SLC29A1: variants seen among roughly 807,000 people sequenced by gnomAD.
SLC29A1 encodes equilibrative nucleoside transporter 1.
A neutral mutation model predicts 48.3 loss-of-function variants in SLC29A1; 22 were observed. That is an observed-to-expected ratio of 0.46 (90% CI 0.33 to 0.65). SLC29A1 has a LOEUF of 0.65. Among genes scored for constraint, SLC29A1 ranks in the 30% least tolerant of loss-of-function variants. The pLI is 0.03. For missense variants in SLC29A1, 491 were observed against 575.3 expected (o/e 0.85, Z 1.50); for synonymous variants, 228 against 231.0 (o/e 0.99, Z 0.12).
intron 12 of SLC29A1, 64 bp downstream of exon 12, chr6:44,233,070 C>A (rs1779255675): frequency 6.6e-7 from 1 of 1,522,744 alleles, no homozygotes; most frequent in Non-Finnish European, 9.0e-7. Flanking sequence ...GTGGGGGACA[C>A]TCAGTAGAGG....
At position 44,229,400 on chromosome 6, in the gene SLC29A1, G is replaced by C; in HGVS notation, c.40G>C (p.Val14Leu). 6.2e-7 allele frequency: 1 copy of C among 1,613,954 alleles called. No individual in the cohort carries two copies. Among genetic ancestry groups the C allele is most frequent in the Non-Finnish European group, 8.5e-7 (1 of 1,179,850 alleles). ...SHQPQDRYKA[V>L]WLIFFMLGLG... ...CCTCCTCCATTGCAGATACAAAGCT[G>C]TCTGGCTTATCTTCTTCATGCTGGG... Residue 14 changes from valine (V) to leucine (L), a missense_variant, in exon 3 of 13, where the codon GTC becomes CTC. Val to Leu is a conservative substitution (Grantham distance 32, BLOSUM62 1). Transcript: ENST00000371755. The surrounding 1 kb of genome is among the most constrained non-coding windows in gnomAD (Gnocchi z 5.1).
chr6:44,229,859 C>A lies in SLC29A1; in HGVS notation c.315-48C>A, dbSNP rs747634224. 7 of 1,611,210 alleles carry A rather than the reference C, an allele frequency of 4.3e-6. No homozygotes were observed. In the East Asian group the frequency reaches 1.3e-4, roughly 31 times the overall value. On this transcript the variant is annotated intron_variant, in intron 4 of 12. Transcript: ENST00000371755. This position sits in a 1 kb window ranked among gnomAD's most constrained non-coding sequence, Gnocchi z 5.1. Reference sequence around the variant, plus strand: ...TGTGTCCTGCACCCCCTTGGCTGAGCCCCAGCTTTGCCCACTTGTCTCTGC... The same window carrying A: ...TGTGTCCTGCACCCCCTTGGCTGAGACCCAGCTTTGCCCACTTGTCTCTGC...
In SLC29A1 at chr6:44,229,558, AT is replaced by A; in HGVS notation, c.112-28del. On this transcript the variant is annotated intron_variant, in intron 3 of 12. Coordinates refer to ENST00000371755, the MANE Select transcript of SLC29A1 (RefSeq NM_001372327.1). The surrounding 1 kb of genome is among the most constrained non-coding windows in gnomAD (Gnocchi z 5.1). ...TGTGCTGGTAGGCACAGGGAAAGAGATTTCAACACTCCTCTCTGCAACCCCT... is the reference window on the plus strand; with the variant it reads ...TGTGCTGGTAGGCACAGGGAAAGAGATTCAACACTCCTCTCTGCAACCCCT... The A allele has an allele frequency of 1.2e-6, 2 of 1,612,988 alleles. No individual in the cohort carries two copies. Among genetic ancestry groups the A allele is most frequent in the African/African-American group, 2.7e-5 (2 of 74,972 alleles).
chr6:44,230,778 A>G (rs1003990726), intron 7 of SLC29A1, 33 bp from the exon 8 acceptor site: 1 of 1,597,642 alleles, frequency 6.3e-7, no homozygotes, highest in Non-Finnish European at 8.6e-7. Flanking sequence ...TTCTGCCTCT[A>G]AATCCACCTC....
intron 1 of SLC29A1, chr6:44,224,003 TATGGGGATGGGG>T (rs1344950211): frequency 2.1e-6 from 2 of 950,700 alleles, no homozygotes; most frequent in Non-Finnish European, 2.5e-6. Flanking sequence ...GGCGGAGGGG[TATGGGGATGGGG>T]ATGGGGATGG....
chr6:44,220,348 T>C (rs1236431197), upstream of SLC29A1, among the ~76,000 whole-genome samples: 2 of 149,142 alleles, frequency 1.3e-5, no homozygotes, highest in African/African-American at 2.5e-5. Context: ...CAGCTAATTT[T>C]TTTTTTTTTT....
upstream of SLC29A1, among the ~76,000 whole-genome samples, chr6:44,220,650 T>TAAAA (rs564819806): frequency 8.6e-6 from 1 of 116,288 alleles, no homozygotes; most frequent in African/African-American, 3.2e-5. Context: ...CCGTCTCTAC[T>TAAAA]AAAAAAAAAA....
chr6:44,227,294 A>AAACCG lies in SLC29A1; in HGVS notation c.-18_-14dup. 1 of 1,614,100 alleles carries AAACCG rather than the reference A, an allele frequency of 6.2e-7. No individual in the cohort carries two copies. The highest frequency in any genetic ancestry group is 8.5e-7 in the Non-Finnish European group (1 of 1,179,984). ...GAGGGAGGGAGCTGTCAGCCAGGGA[A>AAACCG]AACCGAGAACACCATCACCATGACA... On this transcript the variant is annotated 5_prime_UTR_variant, in exon 2 of 13. Transcript: ENST00000371755.
upstream of SLC29A1, chr6:44,221,534 G>A: frequency 3.1e-6 from 3 of 974,568 alleles, no homozygotes; most frequent in Non-Finnish European, 4.3e-6. This position sits in a 1 kb window ranked among gnomAD's most constrained non-coding sequence, Gnocchi z 4.2. Context: ...TGAATAAGGT[G>A]TAGAGTAGAG....
At chr6:44,228,721 G>A (rs905822625) in intron 2 of SLC29A1, among the ~76,000 whole-genome samples, 3 of 152,246 alleles carry the variant, frequency 2.0e-5, no homozygotes, top group Non-Finnish European at 4.4e-5. Flanking sequence ...GCATTGCCCT[G>A]GCCAAAGGTG....
At position 44,229,952 on chromosome 6, in the gene SLC29A1, G is replaced by A; in HGVS notation, c.360G>A (p.Leu120=). The A allele has an allele frequency of 6.2e-7, 1 of 1,613,424 alleles. No individual in the cohort carries two copies. The highest frequency in any genetic ancestry group is 8.5e-7 in the Non-Finnish European group (1 of 1,180,028). The part of the protein sequence containing the change: ...VRILGSLVAI[L]LVFLITAILV... ...TCCTGGGCAGCCTGGTGGCCATCCT[G>A]CTGGTGTTTCTGATCACTGCCATCC... The change falls in exon 5 of 13, where the codon CTG becomes CTA. Residue 120 remains leucine, a synonymous_variant. Transcript: ENST00000371755. The surrounding 1 kb of genome is among the most constrained non-coding windows in gnomAD (Gnocchi z 5.1).
upstream of SLC29A1, chr6:44,219,756 C>T (rs1289317816): frequency 2.3e-6 from 3 of 1,288,022 alleles, no homozygotes; most frequent in Non-Finnish European, 3.0e-6. Flanking sequence ...CCACCAAGTC[C>T]GGATGCTCAC....
At chr6:44,227,078 C>G in intron 1 of SLC29A1, 185 bp from the exon 2 acceptor site, 1 of 1,408,434 alleles carries the variant, frequency 7.1e-7, no homozygotes, top group Non-Finnish European at 9.2e-7. Context: ...GCAGGACTGG[C>G]CTGCTGGGCC....
chr6:44,232,666 C>G lies in SLC29A1; in HGVS notation c.1060-141C>G. The G allele has an allele frequency of 1.3e-6, 1 of 766,106 alleles. No individual in the cohort carries two copies. Among genetic ancestry groups the G allele is most frequent in the Non-Finnish European group, 2.2e-6 (1 of 464,712 alleles). 47.5% of individuals were successfully genotyped at this position (766,106 alleles called of 1,614,324 possible). On this transcript the variant is annotated intron_variant, in intron 11 of 12. Transcript: ENST00000371755. The surrounding 1 kb of genome is among the most constrained non-coding windows in gnomAD (Gnocchi z 4.7). ...CAGCACTCCAGAAGGCTCCACCATG[C>G]CCCTTTCAAGAGTAACCCCCTAAGG...
intron 1 of SLC29A1, among the ~76,000 whole-genome samples, chr6:44,224,917 A>G (rs529331342): frequency 9.2e-5 from 14 of 152,306 alleles, no homozygotes; most frequent in African/African-American, 1.7e-4. Flanking sequence ...ATGTTAGGAT[A>G]TGGGCAGGAG....
chr6:44,223,981 G>T lies in SLC29A1; in HGVS notation c.-52+340G>T, dbSNP rs1776860574. 2 of 978,102 alleles carry T rather than the reference G, an allele frequency of 2.0e-6. No homozygotes were observed. Among genetic ancestry groups the T allele is most frequent in the African/African-American group, 3.5e-5 (2 of 56,982 alleles). The allele number at this position is 978,102 out of a possible 1,614,324, so 60.6% of individuals were successfully genotyped here. ...GTCGGTATCAGGGAGGGGCCGTGCC[G>T]CTGACTGCGCTGGCGGAGGGGTATG... On this transcript the variant is annotated intron_variant, in intron 1 of 12. Transcript: ENST00000371755. The surrounding 1 kb of genome is among the most constrained non-coding windows in gnomAD (Gnocchi z 5.0).
intron 2 of SLC29A1, among the ~76,000 whole-genome samples, chr6:44,228,087 A>G (rs1391454809): frequency 2.0e-5 from 3 of 152,206 alleles, no homozygotes; most frequent in African/African-American, 7.2e-5. Flanking sequence ...AAAATAAGCT[A>G]AAAGTATCTA....
At chr6:44,225,003 G>A (rs547806210) in intron 1 of SLC29A1, among the ~76,000 whole-genome samples, 3 of 152,288 alleles carry the variant, frequency 2.0e-5, no homozygotes, top group East Asian at 3.9e-4. Context: ...GGTGTAGCAG[G>A]GGGCCAGGGA....
chr6:44,222,621 C>T (rs1776577423), upstream of SLC29A1, among the ~76,000 whole-genome samples: 1 of 151,990 alleles, frequency 6.6e-6, no homozygotes, highest in African/African-American at 2.4e-5. Flanking sequence ...GCAGGGAGTG[C>T]CCCCCACCCC....
Sources: allele counts gnomAD v4.1 joint callset (sites outside exome capture counted in the v4.1 genomes callset), GRCh38; gene constraint gnomAD v4.1.1; non-coding constraint Gnocchi (gnomAD v3.1); transcripts MANE v1.5; gene names NCBI Gene and HGNC (gene_info 2026-07-23, HGNC 2026-07-21).